MYO10: variants seen among roughly 807,000 people sequenced by gnomAD.
MYO10 encodes the protein myosin X, also known as unconventional myosin-X.
A neutral mutation model predicts 257.3 loss-of-function variants in MYO10; 133 were observed. The ratio of observed to expected loss-of-function variants is 0.52; its 90% CI spans 0.45 to 0.60. The LOEUF is 0.60. MYO10 is among the 20% of genes least tolerant of loss of function. The pLI, the probability that MYO10 is intolerant of heterozygous loss-of-function variation, is 0.00. For missense variants in MYO10, 2,399 were observed against 2,635.7 expected (o/e 0.91, Z 1.97); for synonymous variants, 1,104 against 1,028.6 (o/e 1.07, Z -1.40).
At chr5:16,728,992 C>T (rs1234319767) in intron 19 of MYO10, among the ~76,000 whole-genome samples, 1 of 152,108 alleles carries the variant, frequency 6.6e-6, no homozygotes, top group East Asian at 1.9e-4. Flanking sequence ...TTAAGCACAG[C>T]GTGGAAGGGG....
chr5:16,823,446 C>CGGGGGG (rs1171973848), intron 2 of MYO10, among the ~76,000 whole-genome samples: 101 of 4,186 alleles, frequency 0.024, 27 homozygotes, highest in South Asian at 0.037. Flanking sequence ...CTCCATCTTG[C>CGGGGGG]GCGGGGGGGG....
intron 1 of MYO10, among the ~76,000 whole-genome samples, chr5:16,925,431 C>T (rs916561916): frequency 6.6e-6 from 1 of 152,174 alleles, no homozygotes; most frequent in Non-Finnish European, 1.5e-5. Flanking sequence ...ACGGTATACT[C>T]CTGGGTTGCC....
intron 2 of MYO10, among the ~76,000 whole-genome samples, chr5:16,853,315 A>C (rs921298379): frequency 3.9e-5 from 6 of 151,922 alleles, no homozygotes; most frequent in Admixed American, 3.9e-4. Flanking sequence ...CGGAGCTTGC[A>C]GTGAGCTGAG....
intron 27 of MYO10, 48 bp downstream of exon 27, chr5:16,694,323 A>T: frequency 1.2e-6 from 2 of 1,611,050 alleles, no homozygotes; most frequent in Admixed American, 3.3e-5. Context: ...GACCACCAGC[A>T]TAAACCATGA....
chr5:16,822,724 G>C (rs1742859292), intron 2 of MYO10, among the ~76,000 whole-genome samples: 1 of 137,570 alleles, frequency 7.3e-6, no homozygotes, highest in Non-Finnish European at 1.5e-5. Flanking sequence ...GTCTCCCTCT[G>C]TCGCCCAGGC....
chr5:16,694,328 C>T, intron 27 of MYO10, 43 bp downstream of exon 27: 2 of 1,611,526 alleles, frequency 1.2e-6, no homozygotes, highest in East Asian at 2.2e-5. Context: ...CCAGCATAAA[C>T]CATGAGCAAC....
chr5:16,799,232 T>TTCTGACAGC (rs879653235), intron 3 of MYO10, among the ~76,000 whole-genome samples: 16,721 of 151,964 alleles, frequency 0.11, 1,054 homozygotes, highest in South Asian at 0.25. Flanking sequence ...GTTCTGACAG[T>TTCTGACAGC]GTGGATGACA....
chr5:16,750,448 G>T (rs1418072544), intron 19 of MYO10, among the ~76,000 whole-genome samples: 1 of 151,976 alleles, frequency 6.6e-6, no homozygotes, highest in Admixed American at 6.6e-5. Flanking sequence ...GCTCACAAAG[G>T]ATTTCTAGAT....
At chr5:16,812,565 T>C (rs999518221) in intron 3 of MYO10, among the ~76,000 whole-genome samples, 1 of 152,220 alleles carries the variant, frequency 6.6e-6, no homozygotes, top group African/African-American at 2.4e-5. Context: ...TGCTGTGAGC[T>C]GGCCTTGGTG....
intron 1 of MYO10, among the ~76,000 whole-genome samples, chr5:16,883,349 A>C (rs1262382325): frequency 6.6e-6 from 1 of 152,130 alleles, no homozygotes; most frequent in Non-Finnish European, 1.5e-5. Context: ...ACATATCAAA[A>C]CCACCACAAC....
chr5:16,770,060 G>A (rs1246468732), intron 9 of MYO10, among the ~76,000 whole-genome samples: 1 of 152,004 alleles, frequency 6.6e-6, no homozygotes, highest in East Asian at 1.9e-4. Flanking sequence ...GAGCCACCAT[G>A]CCAAGCCAAG....
Position 16,663,328 on chromosome 5 carries a change from GT to G in MYO10, c.*3363del, listed in dbSNP as rs70940395. On this transcript the variant is annotated 3_prime_UTR_variant, in exon 41 of 41. Transcript: ENST00000513610. ...AAAAAGTAACATTTTACTTCTAGTT[GT>G]TTTTTTTTTTTTTTTTTTTTTTTTT... 111 of 76,816 alleles carry G rather than the reference GT, an allele frequency of 1.4e-3. 2 individuals are homozygous for G. The highest frequency in any genetic ancestry group is 4.4e-3 in the East Asian group (12 of 2,722). 4.8% of individuals were successfully genotyped at this position (76,816 alleles called of 1,614,324 possible). A position where few individuals can be genotyped will look rare whatever the true frequency, so the allele number is the denominator to read the frequency against.
At chr5:16,903,461 T>C (rs1162955679) in intron 1 of MYO10, among the ~76,000 whole-genome samples, 1 of 152,198 alleles carries the variant, frequency 6.6e-6, no homozygotes, top group Non-Finnish European at 1.5e-5. Flanking sequence ...AAACGAGGCA[T>C]GGAGCAGATA....
intron 37 of MYO10, among the ~76,000 whole-genome samples, chr5:16,672,188 G>A (rs763858928): frequency 1.3e-5 from 2 of 151,710 alleles, no homozygotes; most frequent in South Asian, 2.1e-4. Context: ...CCAGCTACTC[G>A]GGAGTCTGAG....
chr5:16,897,647 C>G (rs368138456), intron 1 of MYO10, among the ~76,000 whole-genome samples: 205 of 152,312 alleles, frequency 1.3e-3, no homozygotes, highest in African/African-American at 4.7e-3. Context: ...AGAGGTTTGT[C>G]AACAGACAAT....
chr5:16,765,457 G>C (rs531318204), intron 11 of MYO10, among the ~76,000 whole-genome samples: 1 of 152,144 alleles, frequency 6.6e-6, no homozygotes, highest in African/African-American at 2.4e-5. Flanking sequence ...GATCATGTAA[G>C]TTAATACTTA....
intron 1 of MYO10, among the ~76,000 whole-genome samples, chr5:16,898,971 C>T (rs1321254284): frequency 7.1e-6 from 1 of 141,246 alleles, no homozygotes; most frequent in African/African-American, 2.5e-5. Flanking sequence ...CCCGTCTCTA[C>T]TAAAAATACA....
At chr5:16,896,532 G>A (rs1160800126) in intron 1 of MYO10, among the ~76,000 whole-genome samples, 2 of 152,140 alleles carry the variant, frequency 1.3e-5, no homozygotes, top group South Asian at 4.1e-4. Flanking sequence ...GGCAGAGGCT[G>A]CAGTGAGCCG....
intron 1 of MYO10, among the ~76,000 whole-genome samples, chr5:16,913,098 A>T (rs1745713044): frequency 6.6e-6 from 1 of 152,150 alleles, no homozygotes; most frequent in Non-Finnish European, 1.5e-5. Context: ...CTGACATCAA[A>T]CACAAAAATA....
Sources: gnomAD v4.1 joint callset for allele counts (sites outside exome capture counted in the v4.1 genomes callset) on GRCh38, gnomAD v4.1.1 for gene constraint, MANE v1.5 for transcripts, NCBI Gene and HGNC (gene_info 2026-07-23, HGNC 2026-07-21) for gene names.